Variants in LPCAT2 observed in about 807,000 individuals in gnomAD.
LPCAT2 encodes lysophosphatidylcholine acyltransferase 2.
In LPCAT2, 58 loss-of-function variants were observed where a neutral mutation model predicts 64.7. The ratio of observed to expected loss-of-function variants is 0.90; its 90% CI spans 0.73 to 1.12. The LOEUF is 1.12. LPCAT2 is among the 50% of genes most tolerant of loss of function. LPCAT2 has a pLI of 0.00. For missense variants in LPCAT2, 579 were observed against 669.8 expected (o/e 0.86, Z 1.50); for synonymous variants, 252 against 245.3 (o/e 1.03, Z -0.26).
chr16:55,578,059 A>T (rs928750653), intron 12 of LPCAT2, among the ~76,000 whole-genome samples: 1 of 151,292 alleles, frequency 6.6e-6, no homozygotes, highest in Non-Finnish European at 1.5e-5. Flanking sequence ...TCCTGAACAC[A>T]CCCCCTTAGC....
In LPCAT2 at chr16:55,516,724, G is replaced by T. The variant is rs193271187; in HGVS notation, c.171+7372G>T. 2.6e-5 allele frequency among the ~76,000 whole-genome samples: 4 copies of T among 152,218 alleles called. 1 individual carries two copies. The highest frequency in any genetic ancestry group is 2.6e-4 in the Admixed American group (4 of 15,294). The stretch of plus-strand genomic sequence containing the variant: ...TTCAATTACTCAATAATGATAGAAG[G>T]TAGAACAATGAGACAGTATCATAAG... On this transcript the variant is annotated intron_variant, in intron 1 of 13. Transcript: ENST00000262134.
chr16:55,565,146 T>A (rs1963678478), intron 11 of LPCAT2, among the ~76,000 whole-genome samples: 1 of 151,916 alleles, frequency 6.6e-6, no homozygotes, highest in Non-Finnish European at 1.5e-5. Flanking sequence ...AACTACAATG[T>A]TATACCACTT....
chr16:55,553,736 T>C (rs1963544308), intron 11 of LPCAT2, among the ~76,000 whole-genome samples: 1 of 152,234 alleles, frequency 6.6e-6, no homozygotes, highest in Admixed American at 6.5e-5. Flanking sequence ...TTCAATTTAC[T>C]TTGCCCAAAT....
intron 5 of LPCAT2, 171 bp downstream of exon 5, chr16:55,532,145 T>G: frequency 1.8e-6 from 1 of 564,124 alleles, no homozygotes; most frequent in Non-Finnish European, 3.2e-6. Context: ...GCTTTCTCTT[T>G]TGGGGTCATA....
chr16:55,570,126 A>C (rs548999014), intron 11 of LPCAT2, among the ~76,000 whole-genome samples: 10 of 152,340 alleles, frequency 6.6e-5, no homozygotes, highest in African/African-American at 2.2e-4. Flanking sequence ...GATTTTGAAA[A>C]GTAACTTTAT....
chr16:55,567,528 C>G, intron 11 of LPCAT2: 1 of 1,601,150 alleles, frequency 6.2e-7, no homozygotes, highest in Non-Finnish European at 8.5e-7. Context: ...AGTCAAGATC[C>G]TCCCTGGAGG....
chr16:55,586,236 C>T lies in LPCAT2; in HGVS notation c.*3138C>T, dbSNP rs1273476879. 6.6e-6 allele frequency: 1 copy of T among 151,918 alleles called. No homozygotes were observed. Among genetic ancestry groups the T allele is most frequent in the Non-Finnish European group, 1.5e-5 (1 of 67,986 alleles). The allele number at this position is 151,918 out of a possible 1,614,324, so 9.4% of individuals were successfully genotyped here. ...TCTGAAGAACTTTTGCCCTTTTTAC[C>T]CCATTTACTGTAACTCTTGTTTCTA... On this transcript the variant is annotated 3_prime_UTR_variant, in exon 14 of 14. Transcript: ENST00000262134.
chr16:55,535,371 T>G (rs1325743164), intron 7 of LPCAT2, among the ~76,000 whole-genome samples: 1 of 152,206 alleles, frequency 6.6e-6, no homozygotes, highest in East Asian at 1.9e-4. Context: ...TTCTCCATTT[T>G]GTGTATATAT....
At chr16:55,514,115 A>T (rs1281516727) in intron 1 of LPCAT2, among the ~76,000 whole-genome samples, 1 of 152,184 alleles carries the variant, frequency 6.6e-6, no homozygotes, top group Non-Finnish European at 1.5e-5. Flanking sequence ...GTTGGAGCAA[A>T]CAGTAGGCTA....
chr16:55,569,814 G>T (rs966573659), intron 11 of LPCAT2, among the ~76,000 whole-genome samples: 2 of 152,264 alleles, frequency 1.3e-5, no homozygotes, highest in South Asian at 4.1e-4. Flanking sequence ...ATTTAGCATT[G>T]TGTAGAACCA....
At chr16:55,515,459 A>T (rs182118580) in intron 1 of LPCAT2, among the ~76,000 whole-genome samples, 6 of 152,196 alleles carry the variant, frequency 3.9e-5, no homozygotes, top group Non-Finnish European at 8.8e-5. Flanking sequence ...ATGCCCTAAG[A>T]TAAATAATAA....
chr16:55,570,252 G>T (rs577293085), intron 11 of LPCAT2, among the ~76,000 whole-genome samples: 1 of 152,072 alleles, frequency 6.6e-6, no homozygotes, highest in Non-Finnish European at 1.5e-5. Context: ...GATCTTAAAG[G>T]TCACTTTAAA....
intron 11 of LPCAT2, among the ~76,000 whole-genome samples, chr16:55,559,768 G>GAAA (rs1283846466): frequency 4.4e-4 from 45 of 102,282 alleles, no homozygotes; most frequent in African/African-American, 9.8e-4. Flanking sequence ...GATACAATTT[G>GAAA]AAAAAAAAAA....
Position 55,531,992 on chromosome 16 carries a change from AT to A in LPCAT2, c.703+19del, listed in dbSNP as rs760357385. ...TAAACCAGGTGAGAAAAATTAAATT[AT>A]GTATTCTAACAAAGTAATATGTGAG... On this transcript the variant is annotated intron_variant, in intron 5 of 13. Transcript: ENST00000262134. 7.1e-7 allele frequency: 1 copy of A among 1,415,630 alleles called. No homozygotes were observed. Among genetic ancestry groups the A allele is most frequent in the South Asian group, 1.2e-5 (1 of 86,414 alleles). The allele number at this position is 1,415,630 out of a possible 1,614,324, so 87.7% of individuals were successfully genotyped here.
At chr16:55,510,649 G>A (rs1448160808) in intron 1 of LPCAT2, among the ~76,000 whole-genome samples, 1 of 152,148 alleles carries the variant, frequency 6.6e-6, no homozygotes, top group Non-Finnish European at 1.5e-5. Context: ...TTGAAGAGGG[G>A]TGTGAGAGAG....
At position 55,509,263 on chromosome 16, in the gene LPCAT2, A is replaced by C. The variant is rs775394690; in HGVS notation, c.82A>C (p.Met28Leu). The C allele has an allele frequency of 1.3e-6, 2 of 1,507,204 alleles. No homozygotes were observed. The highest frequency in any genetic ancestry group is 1.8e-6 in the Non-Finnish European group (2 of 1,121,600). 93.4% of individuals were successfully genotyped at this position (1,507,204 alleles called of 1,614,324 possible). A position where few individuals can be genotyped will look rare whatever the true frequency, so the allele number is the denominator to read the frequency against. The change falls in exon 1 of 14, where the codon ATG (methionine) becomes CTG (leucine). Residue 28 changes from methionine to leucine, a missense_variant. Coordinates refer to ENST00000262134, the MANE Select transcript of LPCAT2 (RefSeq NM_017839.5). ...GVGNVGLRPP[M>L]VPRQASFFPP... The stretch of plus-strand genomic sequence containing the variant: ...CGGGAACGTGGGGCTGCGGCCGCCC[A>C]TGGTGCCCCGTCAGGCGTCCTTCTT...
intron 11 of LPCAT2, among the ~76,000 whole-genome samples, chr16:55,560,348 A>C (rs1249849563): frequency 6.6e-6 from 1 of 152,122 alleles, no homozygotes; most frequent in Non-Finnish European, 1.5e-5. Context: ...GAAAGGCTTC[A>C]TCTAAAGTGG....
intron 5 of LPCAT2, chr16:55,532,252 T>C (rs907866751): frequency 4.2e-5 from 12 of 287,824 alleles, no homozygotes; most frequent in Non-Finnish European, 7.1e-5. Flanking sequence ...TAAGGTTCTA[T>C]GTCATCAAGT....
chr16:55,554,254 T>G (rs2142402338), intron 11 of LPCAT2, among the ~76,000 whole-genome samples: 1 of 152,332 alleles, frequency 6.6e-6, no homozygotes, highest in South Asian at 2.1e-4. Context: ...TCTCTCTAGG[T>G]ATGAAAGTCG....
Sources: allele counts gnomAD v4.1 joint callset (sites outside exome capture counted in the v4.1 genomes callset), GRCh38; gene constraint gnomAD v4.1.1; transcripts MANE v1.5; gene names NCBI Gene and HGNC (gene_info 2026-07-23, HGNC 2026-07-21).